The following FAT2 variants were observed in gnomAD, a reference collection of about 807,000 sequenced individuals.
FAT2 encodes protocadherin Fat 2.
Under a neutral mutation model 295.3 loss-of-function variants are expected in FAT2, and 150 were observed. The ratio of observed to expected loss-of-function variants is 0.51; its 90% CI spans 0.44 to 0.58. FAT2 has a LOEUF of 0.58. Among genes scored for constraint, FAT2 ranks in the 20% least tolerant of loss-of-function variants. The pLI, the probability that FAT2 is intolerant of heterozygous loss-of-function variation, is 0.00. For synonymous variants in FAT2, 2,026 were observed against 2,150.3 expected (o/e 0.94, Z 1.60); for missense variants, 4,868 against 5,442.7 (o/e 0.89, Z 3.32).
chr5:151,517,374 C>T (rs1420529548), intron 20 of FAT2, among the ~76,000 whole-genome samples: 1 of 152,232 alleles, frequency 6.6e-6, no homozygotes, highest in African/African-American at 2.4e-5. Context: ...ATCTCCATTT[C>T]TATCTTACCC....
At chr5:151,533,393 AACACACACACACACACACACAC>A (rs36215342) in intron 13 of FAT2, among the ~76,000 whole-genome samples, 1 of 132,114 alleles carries the variant, frequency 7.6e-6, no homozygotes, top group East Asian at 2.3e-4. Context: ...TGTTATCTCC[AACACACACACACACACACACAC>A]ACACACACAC....
chr5:151,565,647 A>AGCCCCCC, intron 2 of FAT2, 26 bp downstream of exon 2: 2 of 1,461,026 alleles, frequency 1.4e-6, no homozygotes, highest in East Asian at 2.4e-5. Context: ...TGGCCCTGGC[A>AGCCCCCC]CCCCACCCTA....
At chr5:151,580,745 G>A (rs35211425) in intron 1 of FAT2, among the ~76,000 whole-genome samples, 66,662 of 151,992 alleles carry the variant, frequency 0.44, 14,898 homozygotes, top group Non-Finnish European at 0.49. Flanking sequence ...TGGGTGTGAA[G>A]TGGTCAGAAG....
chr5:151,517,412 C>T (rs1383435741), intron 20 of FAT2, among the ~76,000 whole-genome samples: 7 of 152,224 alleles, frequency 4.6e-5, no homozygotes, highest in African/African-American at 1.7e-4. Flanking sequence ...CACTTGTGAC[C>T]GTCCTTGGAC....
At chr5:151,535,593 A>T (rs1215165452) in intron 12 of FAT2, among the ~76,000 whole-genome samples, 1 of 152,160 alleles carries the variant, frequency 6.6e-6, no homozygotes, top group Non-Finnish European at 1.5e-5. Flanking sequence ...CCTTTATAAT[A>T]AACCAGTAAA....
At position 151,512,663 on chromosome 5, in the gene FAT2, T is replaced by C; in HGVS notation, c.11464-57A>G. 1.4e-6 allele frequency: 2 copies of C among 1,438,632 alleles called. No homozygotes were observed. The highest frequency in any genetic ancestry group is 1.9e-6 in the Non-Finnish European group (2 of 1,063,064). The allele number at this position is 1,438,632 out of a possible 1,614,324, so 89.1% of individuals were successfully genotyped here. ...AGCCAAGGAGTCCTTGTAAACCTGC[T>C]AAGAGGCTGCCAGTTCAAAGAATGT... On this transcript the variant is annotated intron_variant, in intron 20 of 23. Coordinates refer to ENST00000261800, the MANE Select transcript of FAT2 (RefSeq NM_001447.3). The surrounding 1 kb of genome is among the most constrained non-coding windows in gnomAD (Gnocchi z 4.1).
intron 1 of FAT2, among the ~76,000 whole-genome samples, chr5:151,590,302 G>T (rs1475758625): frequency 6.6e-6 from 1 of 152,200 alleles, no homozygotes; most frequent in Non-Finnish European, 1.5e-5. Flanking sequence ...CCAGATTGAG[G>T]CTGGGCACAG....
At chr5:151,556,768 T>A (rs1757730452) in intron 3 of FAT2, among the ~76,000 whole-genome samples, 2 of 152,296 alleles carry the variant, frequency 1.3e-5, no homozygotes, top group South Asian at 4.1e-4. Context: ...AATGCAAGTG[T>A]TCTGAGCGCA....
In FAT2 at chr5:151,531,831, G is replaced by C. The variant is rs936982567; in HGVS notation, c.9567C>G (p.Ala3189=). ...GCGGTATTGGGGTGCCCAGGTCAGA[G>C]GCACGGACCGTGAGCTCCAGTGGTG... The part of the protein sequence containing the change: ...PQAPLELTVR[A]SDLGTPIPLS... Residue 3189 remains alanine (A), a synonymous_variant, in exon 14 of 24, where the codon GCC becomes GCG. Transcript: ENST00000261800. The surrounding 1 kb of genome is among the most constrained non-coding windows in gnomAD (Gnocchi z 5.7). 9 of 1,613,838 alleles carry C rather than the reference G, an allele frequency of 5.6e-6. 1 individual carries two copies. The highest frequency in any genetic ancestry group is 7.6e-6 in the Non-Finnish European group (9 of 1,180,032).
Position 151,528,035 on chromosome 5 carries a change from CT to C in FAT2, c.10124del (p.Lys3375ArgfsTer20), listed in dbSNP as rs2127587305. On this transcript the variant is annotated frameshift_variant, in exon 16 of 24. Coordinates refer to ENST00000261800, the MANE Select transcript of FAT2 (RefSeq NM_001447.3). LOFTEE classifies it high-confidence loss of function. The stretch of plus-strand genomic sequence containing the variant: ...GGGCCTTGGCCACCTGTAGCTCCCC[CT>C]TTTTGGGGTGAATGGTGAAGTGCCC... Reference protein sequence around the residue: ...QLGHFTIHPKKGELQVAKALD... With the variant: ...QLGHFTIHPKXGELQVAKALD... The C allele has an allele frequency of 5.0e-6, 8 of 1,614,230 alleles. No individual in the cohort carries two copies. The highest frequency in any genetic ancestry group is 6.8e-6 in the Non-Finnish European group (8 of 1,180,048).
intron 3 of FAT2, 52 bp from the exon 4 acceptor site, chr5:151,556,454 C>A (rs1189266760): frequency 7.7e-7 from 1 of 1,292,898 alleles, no homozygotes; most frequent in Admixed American, 1.9e-5. Context: ...TTCAGGGCCA[C>A]TTTACTGAGG....
rs1430006057 is a variant in FAT2, at chr5:151,567,788, C to A, written c.1144G>T (p.Val382Leu). 1 of 1,614,168 alleles carries A rather than the reference C, an allele frequency of 6.2e-7. No individual in the cohort carries two copies. The highest frequency in any genetic ancestry group is 8.5e-7 in the Non-Finnish European group (1 of 1,180,036). ...AAGGCTGGGGTGACTCTCACCATCA[C>A]CACGCGGCTGCCAGGAGGGGAAAAC... ...SEFSPPGSRV[V>L]MVRVTPAFPN... is the part of the protein sequence containing the mutation. Residue 382 changes from valine to leucine, a missense_variant, in exon 2 of 24, where the codon GTG (valine) becomes TTG (leucine). Physicochemically the swap from Val to Leu is conservative, Grantham distance 32 (BLOSUM62 1). Coordinates refer to ENST00000261800, the MANE Select transcript of FAT2 (RefSeq NM_001447.3).
chr5:151,521,631 G>T lies in FAT2; in HGVS notation c.10962C>A (p.Phe3654Leu). The change falls in exon 19 of 24, where the codon TTC (phenylalanine) becomes TTA (leucine). Residue 3654 changes from phenylalanine to leucine, a missense_variant. Physicochemically the swap from Phe to Leu is conservative, Grantham distance 22. This residue lies in a region of FAT2 where 1,046 missense variants were observed against 1,210.1 expected (regional missense o/e 0.86). Transcript: ENST00000261800. ...VSDHWRNLQR[F>L]LSHKLDIKRA... ...GTTTGATGTCCAGCTTATGGCTGAG[G>T]AACCTCTGCAGGTTCCGCCAGTGGT... The T allele has an allele frequency of 6.2e-7, 1 of 1,614,126 alleles. No individual in the cohort carries two copies. The highest frequency in any genetic ancestry group is 1.1e-5 in the South Asian group (1 of 91,078).
Position 151,543,095 on chromosome 5 carries a change from G to A in FAT2, c.8032C>T (p.Arg2678Ter), listed in dbSNP as rs750273384. Residue 2678 changes from arginine (R) to a stop codon, truncating the protein, a stop_gained, in exon 10 of 24, where the codon CGA becomes TGA. Coordinates refer to ENST00000261800, the MANE Select transcript of FAT2 (RefSeq NM_001447.3). LOFTEE classifies it high-confidence loss of function. Reference protein sequence around the residue: ...PPHWNSLVPVRLQVVPKKVSL... With the variant: ...PPHWNSLVPV ...ACTTTTTTAGGAACCACCTGAAGTC[G>A]TACTGGCACCAGAGAGTTCCAGTGA... 2 of 1,614,170 alleles carry A rather than the reference G, an allele frequency of 1.2e-6. No individual in the cohort carries two copies. The highest frequency in any genetic ancestry group is 1.1e-5 in the South Asian group (1 of 91,080).
chr5:151,526,925 C>T (rs1561829921), intron 17 of FAT2, among the ~76,000 whole-genome samples: 1 of 152,144 alleles, frequency 6.6e-6, no homozygotes, highest in Admixed American at 6.5e-5. Flanking sequence ...GGGTTCAATC[C>T]CAAGTTTGCC....
At chr5:151,515,436 T>C (rs1229990628) in intron 20 of FAT2, among the ~76,000 whole-genome samples, 1 of 152,208 alleles carries the variant, frequency 6.6e-6, no homozygotes, top group African/African-American at 2.4e-5. Context: ...ATCTCCAGCA[T>C]AGACCCCTCA....
intron 2 of FAT2, 26 bp downstream of exon 2, chr5:151,565,647 A>ACGCCCCC: frequency 7.5e-6 from 11 of 1,461,026 alleles, no homozygotes; most frequent in East Asian, 2.4e-5. Flanking sequence ...TGGCCCTGGC[A>ACGCCCCC]CCCCACCCTA....
intron 19 of FAT2, among the ~76,000 whole-genome samples, chr5:151,519,851 A>G (rs1753260678): frequency 6.6e-6 from 1 of 152,178 alleles, no homozygotes; most frequent in Non-Finnish European, 1.5e-5. Context: ...CTGCTTCAGA[A>G]TTAAATGCCA....
Position 151,567,670 on chromosome 5 carries a change from A to C in FAT2, c.1262T>G (p.Met421Arg), listed in dbSNP as rs757791988. 6.2e-7 allele frequency: 1 copy of C among 1,614,186 alleles called. No homozygotes were observed. Among genetic ancestry groups the C allele is most frequent in the Non-Finnish European group, 8.5e-7 (1 of 1,180,022 alleles). ...ATAGTGGGCTCTGTCGTGGAAGTCC[A>C]TGAGCTTTGTGGTGGTGATCAACCC... Reference protein sequence around the residue: ...RTGLITTTKLMDFHDRAHYQL... With the variant: ...RTGLITTTKLRDFHDRAHYQL... The change falls in exon 2 of 24, where the codon ATG (methionine) becomes AGG (arginine). Residue 421 changes from methionine (M) to arginine (R), a missense_variant. Met to Arg is a moderately conservative substitution (Grantham distance 91). Around this residue, in one of 5 missense-constraint regions of FAT2, gnomAD observed 3,297 missense variants for 3,669.4 expected, o/e 0.90. Transcript: ENST00000261800.
Sources: allele counts gnomAD v4.1 joint callset (sites outside exome capture counted in the v4.1 genomes callset), GRCh38; gene constraint gnomAD v4.1.1; regional missense constraint gnomAD v4.1.1; non-coding constraint Gnocchi (gnomAD v3.1); transcripts MANE v1.5; gene names NCBI Gene and HGNC (gene_info 2026-07-23, HGNC 2026-07-21).